The following LDB2 variants were observed in gnomAD, a reference collection of about 807,000 sequenced individuals.
LDB2 encodes LIM domain-binding protein 2.
LDB2 carries 12 observed loss-of-function variants against 44.3 expected under a neutral mutation model. That is an observed-to-expected ratio of 0.27 (90% CI 0.17 to 0.44). The LOEUF (loss-of-function observed/expected upper bound fraction) is 0.44. Among genes scored for constraint, LDB2 ranks in the 20% least tolerant of loss-of-function variants. LDB2 has a pLI of 1.00. For synonymous variants in LDB2, 164 were observed against 174.8 expected, an observed-to-expected ratio of 0.94 and a Z score of 0.49; for missense variants, 344 against 473.5, an observed-to-expected ratio of 0.73 and a Z score of 2.54.
chr4:16,854,869 G>A (rs1789032723), intron 1 of LDB2, among the ~76,000 whole-genome samples: 1 of 151,904 alleles, frequency 6.6e-6, no homozygotes, highest in Non-Finnish European at 1.5e-5. Flanking sequence ...GGATGCACAC[G>A]ATTATTTAAG....
intron 1 of LDB2, among the ~76,000 whole-genome samples, chr4:16,843,909 C>T (rs946482019): frequency 2.9e-4 from 44 of 151,980 alleles, no homozygotes; most frequent in African/African-American, 9.7e-4. Flanking sequence ...TGAGCTGCCA[C>T]GCCCAGCAAA....
intron 1 of LDB2, among the ~76,000 whole-genome samples, chr4:16,768,582 T>G (rs1769887978): frequency 6.6e-6 from 1 of 152,154 alleles, no homozygotes; most frequent in South Asian, 2.1e-4. Flanking sequence ...GCCTTCTGCC[T>G]TTCTGTTACC....
chr4:16,554,128 A>T (rs940108067), intron 5 of LDB2, among the ~76,000 whole-genome samples: 1 of 147,866 alleles, frequency 6.8e-6, no homozygotes, highest in Admixed American at 6.8e-5. Flanking sequence ...TCGGCTCACC[A>T]CAACTTCCAC....
Position 16,505,709 on chromosome 4 carries a change from T to C in LDB2, c.891+2826A>G, listed in dbSNP as rs1368967726. 1.1e-5 allele frequency: 8 copies of C among 751,528 alleles called. No individual in the cohort carries two copies. In the East Asian group the frequency reaches 2.1e-4, roughly 19 times the overall value. 46.6% of individuals were successfully genotyped at this position (751,528 alleles called of 1,614,324 possible). On this transcript the variant is annotated intron_variant, in intron 7 of 7. Transcript: ENST00000304523. The stretch of plus-strand genomic sequence containing the variant: ...GTCCACGAGAGACAACAGCGAGCCA[T>C]CTGAGAGAGGTCCATATGCCCTCAG...
At chr4:16,522,288 G>A (rs1322999629) in intron 5 of LDB2, among the ~76,000 whole-genome samples, 3 of 152,088 alleles carry the variant, frequency 2.0e-5, no homozygotes, top group East Asian at 3.9e-4. Context: ...GTGTGTGTGT[G>A]TGTGTGTGTA....
intron 1 of LDB2, among the ~76,000 whole-genome samples, chr4:16,783,274 T>C (rs923252520): frequency 6.6e-6 from 1 of 152,260 alleles, no homozygotes; most frequent in African/African-American, 2.4e-5. Flanking sequence ...ATTTATACTT[T>C]ACTGTTGCAA....
intron 2 of LDB2, among the ~76,000 whole-genome samples, chr4:16,627,660 G>A (rs1292976253): frequency 1.3e-5 from 2 of 152,196 alleles, no homozygotes; most frequent in African/African-American, 4.8e-5. Context: ...GTGGTAGGCA[G>A]CCTCCAAGAT....
intron 5 of LDB2, among the ~76,000 whole-genome samples, chr4:16,527,982 G>A (rs1030940223): frequency 2.1e-5 from 3 of 140,350 alleles, no homozygotes; most frequent in African/African-American, 8.0e-5. Flanking sequence ...AGAAACTGTG[G>A]TGTATATATA....
At chr4:16,598,607 G>A (rs1342856955) in intron 2 of LDB2, among the ~76,000 whole-genome samples, 2 of 152,046 alleles carry the variant, frequency 1.3e-5, no homozygotes, top group East Asian at 3.9e-4. Context: ...TTTTTAATGT[G>A]TCAATAGATA....
At chr4:16,802,532 G>A (rs1423706966) in intron 1 of LDB2, among the ~76,000 whole-genome samples, 2 of 152,170 alleles carry the variant, frequency 1.3e-5, no homozygotes, top group African/African-American at 4.8e-5. Flanking sequence ...CAGGAAACAA[G>A]TTAGGTCTGT....
intron 5 of LDB2, among the ~76,000 whole-genome samples, chr4:16,526,219 G>T (rs1055389677): frequency 1.3e-5 from 2 of 152,190 alleles, no homozygotes; most frequent in Non-Finnish European, 2.9e-5. Flanking sequence ...AGAACAAAAA[G>T]GCAGAGAAAG....
At chr4:16,662,803 C>T (rs1387809091) in intron 2 of LDB2, among the ~76,000 whole-genome samples, 1 of 151,844 alleles carries the variant, frequency 6.6e-6, no homozygotes, top group African/African-American at 2.4e-5. Context: ...GCCTCCCAAG[C>T]CATGTGGAAA....
intron 2 of LDB2, among the ~76,000 whole-genome samples, chr4:16,608,359 C>G (rs1237478846): frequency 6.6e-6 from 1 of 152,026 alleles, no homozygotes; most frequent in South Asian, 2.1e-4. Flanking sequence ...TGCTTCTGAC[C>G]CTTGGATTGT....
rs550579381 is a variant in LDB2 at position 16,524,489 on chromosome 4, A to G, written c.616-12385T>C. ...CAGAGGAAATATACGTGTGAATGCA[A>G]GAGAACAGGGCATTGGAAACCACCA... On this transcript the variant is annotated intron_variant, in intron 5 of 7. Coordinates refer to ENST00000304523, the MANE Select transcript of LDB2 (RefSeq NM_001290.5). Among the ~76,000 whole-genome samples the G allele has an allele frequency of 3.9e-5, 6 of 152,280 alleles. No homozygotes were observed. The South Asian group carries it at 1.0e-3, about 26-fold the overall frequency.
intron 1 of LDB2, among the ~76,000 whole-genome samples, chr4:16,782,576 T>A (rs768407774): frequency 6.6e-6 from 1 of 152,156 alleles, no homozygotes; most frequent in Non-Finnish European, 1.5e-5. Flanking sequence ...TGTCTCAATC[T>A]CCTGACCTTG....
At chr4:16,579,393 T>C (rs1713334437) in intron 5 of LDB2, among the ~76,000 whole-genome samples, 1 of 151,970 alleles carries the variant, frequency 6.6e-6, no homozygotes, top group Non-Finnish European at 1.5e-5. Context: ...CCAAAGGAAA[T>C]AGAAAAAGAT....
chr4:16,659,152 T>C (rs974857595), intron 2 of LDB2, among the ~76,000 whole-genome samples: 2 of 152,126 alleles, frequency 1.3e-5, no homozygotes, highest in African/African-American at 4.8e-5. Context: ...CTGCTCCACT[T>C]TCCTGGAGTG....
chr4:16,730,007 A>G (rs1335113701), intron 2 of LDB2, among the ~76,000 whole-genome samples: 1 of 152,162 alleles, frequency 6.6e-6, no homozygotes, highest in African/African-American at 2.4e-5. Context: ...TCCCTAGGAA[A>G]CACATTTTTC....
intron 1 of LDB2, among the ~76,000 whole-genome samples, chr4:16,825,241 A>C (rs997383840): frequency 6.6e-6 from 1 of 152,202 alleles, no homozygotes; most frequent in Non-Finnish European, 1.5e-5. Context: ...TCCTAATATG[A>C]ATCCTCAGTG....
Sources: allele counts gnomAD v4.1 joint callset (sites outside exome capture counted in the v4.1 genomes callset), GRCh38; gene constraint gnomAD v4.1.1; transcripts MANE v1.5; gene names NCBI Gene and HGNC (gene_info 2026-07-23, HGNC 2026-07-21).